Variants in LDB3 observed in about 807,000 individuals in gnomAD.
The protein encoded by LDB3 is LIM domain binding 3.
LDB3 carries 49 observed loss-of-function variants against 69.0 expected under a neutral mutation model. The observed-to-expected ratio is 0.71, with a 90% CI of 0.56 to 0.90. LDB3 has a LOEUF of 0.90. Ranked by LOEUF, LDB3 falls within the 40% of genes least tolerant of loss-of-function variation. The probability of loss-of-function intolerance (pLI) is 0.00; values close to 1 mark genes in which losing one functional copy is unlikely to be tolerated. For missense variants in LDB3, 928 were observed against 974.1 expected, an observed-to-expected ratio of 0.95 and a Z score of 0.63; for synonymous variants, 387 against 396.2, an observed-to-expected ratio of 0.98 and a Z score of 0.28.
chr10:86,686,974 C>A, intron 5 of LDB3: 1 of 1,123,292 alleles, frequency 8.9e-7, no homozygotes. Context: ...CGACACCCAC[C>A]GCGCCCAGCC....
Position 86,716,630 on chromosome 10 carries a change from A to G in LDB3, c.1535A>G (p.Gln512Arg), listed in dbSNP as rs138951890. 3 of 1,613,682 alleles carry G rather than the reference A, an allele frequency of 1.9e-6. No homozygotes were observed. The highest frequency in any genetic ancestry group is 2.7e-5 in the African/African-American group (2 of 74,890). ...PGKSTTSISK[Q>R]TLPRGGPAYT... ...AAGAGCACCACCTCCATCAGCAAGC[A>G]GACCCTGCCCCGGGGAGGCCCAGCC... Residue 512 changes from glutamine (Q) to arginine (R), a missense_variant, in exon 10 of 14, where the codon CAG (glutamine) becomes CGG (arginine). Coordinates refer to ENST00000361373, the MANE Select transcript of LDB3 (RefSeq NM_007078.3).
At position 86,687,154 on chromosome 10, in the gene LDB3, G is replaced by A. The variant is rs915830221; in HGVS notation, c.690-4742G>A. 16 of 1,614,092 alleles carry A rather than the reference G, an allele frequency of 9.9e-6. No homozygotes were observed. Among genetic ancestry groups the A allele is most frequent in the Middle Eastern group, 1.6e-4 (1 of 6,084 alleles). On this transcript the variant is annotated intron_variant, in intron 5 of 13. Transcript: ENST00000361373. ...CAAGCCCATCGAGGTGAAGGGGCTG[G>A]GCGGCAAGGCCACCATCATCCATGC...
At chr10:86,673,424 G>A (rs1844597513) in intron 2 of LDB3, among the ~76,000 whole-genome samples, 1 of 152,200 alleles carries the variant, frequency 6.6e-6, no homozygotes, top group Admixed American at 6.5e-5. Context: ...TCACTTCTTG[G>A]AGGAGTCTGG....
intron 5 of LDB3, chr10:86,686,964 C>T (rs1589634090): frequency 2.0e-6 from 2 of 1,014,464 alleles, no homozygotes; most frequent in Non-Finnish European, 3.1e-6. Context: ...AGATCTCTCT[C>T]GACACCCACC....
intron 3 of LDB3, 112 bp from the exon 4 acceptor site, chr10:86,679,970 C>A: frequency 1.1e-6 from 1 of 949,098 alleles, no homozygotes; most frequent in East Asian, 2.5e-5. Context: ...TCAGCTATCT[C>A]TGAGAGCTGA....
chr10:86,698,969 G>A (rs745762608), intron 7 of LDB3, among the ~76,000 whole-genome samples: 7 of 152,092 alleles, frequency 4.6e-5, no homozygotes, highest in Non-Finnish European at 5.9e-5. Flanking sequence ...TCTGCCCTCA[G>A]GGCCATTAGC....
chr10:86,704,935 C>T (rs181982371), intron 7 of LDB3, among the ~76,000 whole-genome samples: 130 of 151,414 alleles, frequency 8.6e-4, no homozygotes, highest in Middle Eastern at 3.5e-3. Context: ...AGGCTGGTCT[C>T]GAACTCCCGA....
At position 86,685,614 on chromosome 10, in the gene LDB3, T is replaced by C. The variant is rs1055343902; in HGVS notation, c.689+3811T>C. 9 of 1,576,648 alleles carry C rather than the reference T, an allele frequency of 5.7e-6. No homozygotes were observed. The Admixed American group carries it at 1.5e-4, about 26-fold the overall frequency. On this transcript the variant is annotated intron_variant, in intron 5 of 13. Coordinates refer to ENST00000361373, the MANE Select transcript of LDB3 (RefSeq NM_007078.3). ...ACCAGGCTGATGATGGCCCCGGCGCTCAAACTGCCCCTGGTGGAGCCTCTC... is the reference window on the plus strand; with the variant it reads ...ACCAGGCTGATGATGGCCCCGGCGCCCAAACTGCCCCTGGTGGAGCCTCTC...
intron 7 of LDB3, among the ~76,000 whole-genome samples, chr10:86,697,540 T>C (rs1233026391): frequency 1.4e-5 from 2 of 145,210 alleles, no homozygotes; most frequent in Admixed American, 6.9e-5. Flanking sequence ...TTTTTCTTTT[T>C]CTTTCTTTCT....
At chr10:86,698,879 G>A (rs1589655215) in intron 7 of LDB3, among the ~76,000 whole-genome samples, 2 of 152,132 alleles carry the variant, frequency 1.3e-5, no homozygotes, top group South Asian at 2.1e-4. Flanking sequence ...CTGTCTGTTT[G>A]GTTCAATCCT....
rs138635629 is a variant in LDB3, at chr10:86,715,871, G to A, written c.1232-456G>A. ...TGTTTTGTCCTGAGGGCTGACCTAG[G>A]TCCAGGTTCAGCAAACTTATGCCAA... On this transcript the variant is annotated intron_variant, in intron 9 of 13. Coordinates refer to ENST00000361373, the MANE Select transcript of LDB3 (RefSeq NM_007078.3). 2.5e-3 allele frequency among the ~76,000 whole-genome samples: 383 copies of A among 152,312 alleles called. 1 individual carries two copies. The highest frequency in any genetic ancestry group is 4.6e-3 in the Non-Finnish European group (311 of 68,024).
At chr10:86,686,081 C>G (rs1845453112) in intron 5 of LDB3, among the ~76,000 whole-genome samples, 1 of 152,148 alleles carries the variant, frequency 6.6e-6, no homozygotes, top group South Asian at 2.1e-4. Flanking sequence ...TGCACTGGAT[C>G]TTGTCTGCCC....
chr10:86,724,255 T>C (rs764452623), intron 12 of LDB3, among the ~76,000 whole-genome samples: 2 of 149,804 alleles, frequency 1.3e-5, no homozygotes, highest in East Asian at 2.0e-4. Context: ...GAGGTTGCAG[T>C]GAGCTGAGAT....
chr10:86,702,241 C>T (rs1846288599), intron 7 of LDB3, among the ~76,000 whole-genome samples: 1 of 152,194 alleles, frequency 6.6e-6, no homozygotes, highest in Non-Finnish European at 1.5e-5. Flanking sequence ...CCCTTCAGCA[C>T]TGTCAATACC....
Position 86,711,439 on chromosome 10 carries a change from G to T in LDB3, c.1231+1389G>T, listed in dbSNP as rs935487610. On this transcript the variant is annotated intron_variant, in intron 9 of 13. Transcript: ENST00000361373. ...CCTAGGGGGAAAGAGGCGGCCGGGC[G>T]GGCGCGCGCTGGAGTCGGCCTGCCT... Among the ~76,000 whole-genome samples, 14 of 152,174 alleles carry T rather than the reference G, an allele frequency of 9.2e-5. 1 individual carries two copies. The highest frequency in any genetic ancestry group is 2.9e-4 in the African/African-American group (12 of 41,538).
Position 86,699,444 on chromosome 10 carries a change from C to G in LDB3, c.896+6873C>G. 6.2e-7 allele frequency: 1 copy of G among 1,610,132 alleles called. No homozygotes were observed. Among genetic ancestry groups the G allele is most frequent in the Non-Finnish European group, 8.5e-7 (1 of 1,178,862 alleles). On this transcript the variant is annotated intron_variant, in intron 7 of 13. Coordinates refer to ENST00000361373, the MANE Select transcript of LDB3 (RefSeq NM_007078.3). The surrounding 1 kb of genome is among the most constrained non-coding windows in gnomAD (Gnocchi z 4.9). ...CATCCTTACCCCCACACAGATCTGGCATGTGAGCCCCACGGTGATGCTTGA... is the reference window on the plus strand; with the variant it reads ...CATCCTTACCCCCACACAGATCTGGGATGTGAGCCCCACGGTGATGCTTGA...
chr10:86,716,434 C>G lies in LDB3; in HGVS notation c.1339C>G (p.Pro447Ala), dbSNP rs397517211. ...CCCCTCCCCTGCCCCTGCCTACACC[C>G]CCTCACCTGTCCCCACCTACACTCC... ...YTPSPAPAYTPSPVPTYTPSP... is the reference protein window; with the variant it reads ...YTPSPAPAYTASPVPTYTPSP... Residue 447 changes from proline to alanine, a missense_variant, in exon 10 of 14, where the codon CCC (proline) becomes GCC (alanine). Pro to Ala is a conservative substitution (Grantham distance 27). Coordinates refer to ENST00000361373, the MANE Select transcript of LDB3 (RefSeq NM_007078.3). The G allele has an allele frequency of 1.1e-5, 17 of 1,578,106 alleles. No homozygotes were observed. In the African/African-American group the frequency reaches 2.1e-4, roughly 19 times the overall value.
In LDB3 at chr10:86,733,007, C is replaced by G. The variant is rs370023480; in HGVS notation, c.*31C>G. On this transcript the variant is annotated 3_prime_UTR_variant, in exon 14 of 14. Coordinates refer to ENST00000361373, the MANE Select transcript of LDB3 (RefSeq NM_007078.3). ...CAAGGCCGCCTGTGCTGACGAGGCC[C>G]GGAGCTGCTCCTGCTGCTGGCAACA... is the stretch of plus-strand genomic sequence containing the variant. 2.9e-5 allele frequency: 44 copies of G among 1,498,014 alleles called. No homozygotes were observed. In the South Asian group the frequency reaches 4.1e-4, roughly 14 times the overall value. 92.8% of individuals were successfully genotyped at this position (1,498,014 alleles called of 1,614,324 possible).
At chr10:86,730,721 G>A (rs1847424486) in intron 13 of LDB3, among the ~76,000 whole-genome samples, 2 of 152,304 alleles carry the variant, frequency 1.3e-5, no homozygotes, top group African/African-American at 4.8e-5. Flanking sequence ...GTTTTCATGA[G>A]AATTAAATGA....
Sources: gnomAD v4.1 joint callset for allele counts (sites outside exome capture counted in the v4.1 genomes callset) on GRCh38, gnomAD v4.1.1 for gene constraint, Gnocchi (gnomAD v3.1) non-coding constraint, MANE v1.5 for transcripts, NCBI Gene and HGNC (gene_info 2026-07-23, HGNC 2026-07-21) for gene names.